Variants in HERC1 observed in about 807,000 individuals in gnomAD.
HERC1 encodes the protein probable E3 ubiquitin-protein ligase HERC1.
A neutral mutation model predicts 554.3 loss-of-function variants in HERC1; 160 were observed. The observed-to-expected ratio is 0.29, with a 90% CI of 0.25 to 0.33. HERC1 has a LOEUF of 0.33. Among genes scored for constraint, HERC1 ranks in the 10% least tolerant of loss-of-function variants. The pLI, the probability that HERC1 is intolerant of heterozygous loss-of-function variation, is 1.00. For missense variants in HERC1, 4,919 were observed against 5,918.5 expected (o/e 0.83, Z 5.54); for synonymous variants, 2,175 against 2,131.7 (o/e 1.02, Z -0.56).
chr15:63,640,541 C>G, intron 60 of HERC1, 96 bp from the exon 61 acceptor site: 1 of 1,034,824 alleles, frequency 9.7e-7, no homozygotes. Flanking sequence ...TCATATTTTT[C>G]AAGTTTACTG....
At chr15:63,700,710 A>T (rs993176212) in intron 25 of HERC1, among the ~76,000 whole-genome samples, 1 of 96,622 alleles carries the variant, frequency 1.0e-5, no homozygotes, top group Admixed American at 9.2e-5. Flanking sequence ...CCCTGCCTCA[A>T]AAAAAAAAAA....
intron 64 of HERC1, 62 bp from the exon 65 acceptor site, chr15:63,636,204 A>T: frequency 7.0e-7 from 1 of 1,436,774 alleles, no homozygotes; most frequent in Non-Finnish European, 9.6e-7. Flanking sequence ...CTTTACTTGC[A>T]GCTGCTACTG....
intron 1 of HERC1, among the ~76,000 whole-genome samples, chr15:63,813,210 G>A (rs1029882218): frequency 6.6e-6 from 1 of 152,020 alleles, no homozygotes; most frequent in Non-Finnish European, 1.5e-5. Context: ...AGAATCTACA[G>A]GTGGTTTCTC....
intron 1 of HERC1, among the ~76,000 whole-genome samples, chr15:63,828,662 T>C (rs1000617568): frequency 6.6e-6 from 1 of 152,114 alleles, no homozygotes; most frequent in African/African-American, 2.4e-5. Flanking sequence ...TATACAGTAG[T>C]GTTTAGTAGA....
chr15:63,812,366 T>G (rs926943707), intron 1 of HERC1, among the ~76,000 whole-genome samples: 4 of 152,246 alleles, frequency 2.6e-5, no homozygotes, highest in African/African-American at 4.8e-5. Flanking sequence ...GTAACATGAC[T>G]GGAGGTAAGT....
intron 23 of HERC1, 134 bp downstream of exon 23, chr15:63,713,219 T>C: frequency 1.3e-6 from 1 of 774,664 alleles, no homozygotes; most frequent in Non-Finnish European, 2.1e-6. Context: ...AAGTTCATCC[T>C]AGTCAATTTG....
rs2075437954 is a variant in HERC1, at chr15:63,756,996, T to G, written c.1222-248A>C. On this transcript the variant is annotated intron_variant, in intron 4 of 77. Coordinates refer to ENST00000443617, the MANE Select transcript of HERC1 (RefSeq NM_003922.4). This position sits in a 1 kb window ranked among gnomAD's most constrained non-coding sequence, Gnocchi z 5.0. ...TCCAGGTTATTGTCCAGGTTATGAT[T>G]GAATGAAACAACAAAGTAAAACGCT... Among the ~76,000 whole-genome samples the G allele has an allele frequency of 1.3e-5, 2 of 152,302 alleles. No homozygotes were observed. Among genetic ancestry groups the G allele is most frequent in the Non-Finnish European group, 2.9e-5 (2 of 68,020 alleles).
chr15:63,624,726 ACATT>A (rs1234817330), intron 71 of HERC1, among the ~76,000 whole-genome samples: 1 of 152,176 alleles, frequency 6.6e-6, no homozygotes, highest in Non-Finnish European at 1.5e-5. Flanking sequence ...AAAAGAACAT[ACATT>A]ATTTTAAAAA....
At position 63,678,037 on chromosome 15, in the gene HERC1, T is replaced by C. The variant is rs2071293217; in HGVS notation, c.6878A>G (p.Glu2293Gly). 6.2e-7 allele frequency: 1 copy of C among 1,613,856 alleles called. No homozygotes were observed. Among genetic ancestry groups the C allele is most frequent in the African/African-American group, 1.3e-5 (1 of 74,912 alleles). The change falls in exon 37 of 78, where the codon GAG becomes GGG. Residue 2293 changes from glutamate (E) to glycine (G), a missense_variant. Coordinates refer to ENST00000443617, the MANE Select transcript of HERC1 (RefSeq NM_003922.4). ...HTRHGLADLS[E>G]LQLRTLCIEV... The stretch of plus-strand genomic sequence containing the variant: ...TATGCAAAGAGTCCTCAGCTGCAGC[T>C]CTGAGAGGTCAGCGAGGCCATGCCT...
chr15:63,755,189 A>G (rs1357163130), intron 6 of HERC1, 40 bp downstream of exon 6: 7 of 1,376,280 alleles, frequency 5.1e-6, no homozygotes, highest in African/African-American at 1.4e-5. Context: ...ATCATTTCTA[A>G]TTTTCTAGAA....
intron 25 of HERC1, among the ~76,000 whole-genome samples, chr15:63,705,888 A>G (rs1358963461): frequency 6.6e-6 from 1 of 151,818 alleles, no homozygotes; most frequent in Non-Finnish European, 1.5e-5. Flanking sequence ...AAACTAGCTG[A>G]GCATGGTGGT....
intron 1 of HERC1, among the ~76,000 whole-genome samples, chr15:63,832,885 T>C (rs2078204599): frequency 6.6e-6 from 1 of 152,250 alleles, no homozygotes; most frequent in South Asian, 2.1e-4. Context: ...ATGCCACCTC[T>C]GGAGATGGAA....
At chr15:63,746,177 C>T (rs929432941) in intron 12 of HERC1, among the ~76,000 whole-genome samples, 4 of 151,736 alleles carry the variant, frequency 2.6e-5, no homozygotes, top group Non-Finnish European at 4.4e-5. Context: ...TATAAATTTT[C>T]CTCCAAGCAC....
chr15:63,804,118 T>C (rs2077068015), intron 1 of HERC1, among the ~76,000 whole-genome samples: 1 of 152,132 alleles, frequency 6.6e-6, no homozygotes, highest in East Asian at 1.9e-4. Context: ...TTTCATACCA[T>C]ATACAAAAAT....
chr15:63,617,564 G>C (rs911711423), intron 74 of HERC1, among the ~76,000 whole-genome samples: 1 of 152,164 alleles, frequency 6.6e-6, no homozygotes, highest in Non-Finnish European at 1.5e-5. Context: ...TCTAGTTCTA[G>C]ATCCATGAGG....
chr15:63,668,267 G>C (rs2070739887), intron 40 of HERC1, among the ~76,000 whole-genome samples: 1 of 152,088 alleles, frequency 6.6e-6, no homozygotes, highest in Non-Finnish European at 1.5e-5. Context: ...AAAAAAGCAA[G>C]ATTCCCTTGA....
chr15:63,627,231 C>T (rs182489962), intron 70 of HERC1, among the ~76,000 whole-genome samples: 1 of 152,264 alleles, frequency 6.6e-6, no homozygotes, highest in East Asian at 1.9e-4. Context: ...GAAACAAAAT[C>T]CCTATGGGGA....
intron 33 of HERC1, 80 bp downstream of exon 33, chr15:63,689,509 A>G (rs751492788): frequency 9.7e-6 from 7 of 724,734 alleles, no homozygotes; most frequent in Non-Finnish European, 1.6e-5. Flanking sequence ...AAGGTGCCTC[A>G]GAGGAACAGG....
In HERC1 at chr15:63,694,322, T is replaced by C. The variant is rs1220180596; in HGVS notation, c.5470A>G (p.Ile1824Val). 6.2e-7 allele frequency: 1 copy of C among 1,612,978 alleles called. No individual in the cohort carries two copies. Among genetic ancestry groups the C allele is most frequent in the South Asian group, 1.1e-5 (1 of 90,878 alleles). ...ATCTACCATACTTACCCAGTAGTGA[T>C]GGCTAGAATCTGGAGCAACCTTGTA... ...ASTRLLQILAITTGTYADKLS... is the reference protein window; with the variant it reads ...ASTRLLQILAVTTGTYADKLS... Residue 1824 changes from isoleucine to valine, a missense_variant, in exon 29 of 78, where the codon ATC (isoleucine) becomes GTC (valine). Around this residue, in one of 11 missense-constraint regions of HERC1, gnomAD observed 1,121 missense variants for 1,244.0 expected, o/e 0.90. Coordinates refer to ENST00000443617, the MANE Select transcript of HERC1 (RefSeq NM_003922.4). This position sits in a 1 kb window ranked among gnomAD's most constrained non-coding sequence, Gnocchi z 4.3.
Sources: allele counts gnomAD v4.1 joint callset (sites outside exome capture counted in the v4.1 genomes callset), GRCh38; gene constraint gnomAD v4.1.1; regional missense constraint gnomAD v4.1.1; non-coding constraint Gnocchi (gnomAD v3.1); transcripts MANE v1.5; gene names NCBI Gene and HGNC (gene_info 2026-07-23, HGNC 2026-07-21).